The following DDAH1 variants were observed in gnomAD, a reference collection of about 807,000 sequenced individuals.
DDAH1 encodes the protein N(G),N(G)-dimethylarginine dimethylaminohydrolase 1.
A neutral mutation model predicts 28.8 loss-of-function variants in DDAH1; 19 were observed. The ratio of observed to expected loss-of-function variants is 0.66; its 90% CI spans 0.46 to 0.97. The LOEUF (loss-of-function observed/expected upper bound fraction) is 0.97, where lower values mean the gene tolerates loss of function less well. DDAH1 is among the 50% of genes least tolerant of loss of function. The pLI is 0.00. For missense variants in DDAH1, 326 were observed against 375.9 expected (o/e 0.87, Z 1.10); for synonymous variants, 153 against 154.4 (o/e 0.99, Z 0.07).
intron 1 of DDAH1, among the ~76,000 whole-genome samples, chr1:85,456,693 G>A (rs555519125): frequency 1.3e-4 from 20 of 152,274 alleles, no homozygotes; most frequent in Non-Finnish European, 2.2e-4. Flanking sequence ...CTTAAGATAC[G>A]TTTATCCGGA....
chr1:85,319,073 TG>T lies in DDAH1; in HGVS notation c.*2378del, dbSNP rs1661216999. 6.6e-6 allele frequency: 1 copy of T among 152,242 alleles called. No homozygotes were observed. The highest frequency in any genetic ancestry group is 2.1e-4 in the South Asian group (1 of 4,834). 9.4% of individuals were successfully genotyped at this position (152,242 alleles called of 1,614,324 possible). The stretch of plus-strand genomic sequence containing the variant: ...ATCCATTGGTGTATATCACAACAGA[TG>T]AGGAAAACTTATGTGATAGTATCTT... On this transcript the variant is annotated 3_prime_UTR_variant, in exon 6 of 6. Coordinates refer to ENST00000284031, the MANE Select transcript of DDAH1 (RefSeq NM_012137.4).
intron 1 of DDAH1, among the ~76,000 whole-genome samples, chr1:85,393,561 A>G (rs1651665859): frequency 6.6e-6 from 1 of 152,230 alleles, no homozygotes; most frequent in Non-Finnish European, 1.5e-5. Context: ...ATCTATGAAG[A>G]AAATCTCCAT....
chr1:85,433,756 T>A (rs1306723914), intron 1 of DDAH1, among the ~76,000 whole-genome samples: 1 of 152,218 alleles, frequency 6.6e-6, no homozygotes, highest in East Asian at 1.9e-4. Context: ...AATCTAGTTA[T>A]GTTATTTGTA....
chr1:85,377,324 A>G (rs1650725915), intron 1 of DDAH1, among the ~76,000 whole-genome samples: 1 of 152,090 alleles, frequency 6.6e-6, no homozygotes, highest in Non-Finnish European at 1.5e-5. Context: ...ATACATTATT[A>G]ATTATATATA....
At chr1:85,537,351 T>TA (rs199872613) in intron 1 of DDAH1, among the ~76,000 whole-genome samples, 18 of 143,744 alleles carry the variant, frequency 1.3e-4, no homozygotes, top group Admixed American at 6.3e-4. Flanking sequence ...ATAATAATAA[T>TA]AAAAAAAAAT....
At chr1:85,496,057 G>A (rs1001243984) in intron 2 of DDAH1, 1 of 170,948 alleles carries the variant, frequency 5.8e-6, no homozygotes, top group Admixed American at 6.5e-5. Context: ...ATCTATCCAG[G>A]AGTATTGACA....
intron 1 of DDAH1, among the ~76,000 whole-genome samples, chr1:85,460,784 G>A (rs1197732150): frequency 1.3e-5 from 2 of 152,172 alleles, no homozygotes; most frequent in Non-Finnish European, 2.9e-5. Flanking sequence ...AAGAGTGGGC[G>A]TAGAAGGGCA....
At chr1:85,570,364 TCACACACACACACA>T (rs35259175) in intron 1 of DDAH1, among the ~76,000 whole-genome samples, 1 of 145,468 alleles carries the variant, frequency 6.9e-6, no homozygotes, top group Admixed American at 6.9e-5. Flanking sequence ...ACACACACTG[TCACACACACACACA>T]CACACACACA....
intron 1 of DDAH1, among the ~76,000 whole-genome samples, chr1:85,431,789 C>A (rs1653698963): frequency 6.6e-6 from 1 of 152,112 alleles, no homozygotes; most frequent in Non-Finnish European, 1.5e-5. Context: ...TATTTATTTA[C>A]AGCTTCATAA....
rs74454762 is a variant in DDAH1, at chr1:85,492,433, A to G, written c.-7+3733T>C. Among the ~76,000 whole-genome samples, 618 of 152,336 alleles carry G rather than the reference A, an allele frequency of 4.1e-3. 4 individuals carry two copies. The highest frequency in any genetic ancestry group is 0.014 in the African/African-American group (575 of 41,588). The stretch of plus-strand genomic sequence containing the variant: ...GAATCTCATATAAATGTGAAATTTT[A>G]TGAAGAGGGAAAGTGCAGCCAAGAT... On this transcript the variant is annotated intron_variant, in intron 2 of 6. Coordinates refer to the DDAH1 transcript ENST00000426972.
chr1:85,503,437 G>A (rs958549825), intron 1 of DDAH1, among the ~76,000 whole-genome samples: 2 of 152,152 alleles, frequency 1.3e-5, no homozygotes, highest in Admixed American at 6.6e-5. Flanking sequence ...CTGACCTCAG[G>A]TGATCCACCC....
chr1:85,353,074 A>G (rs1649305196), intron 2 of DDAH1, among the ~76,000 whole-genome samples: 1 of 152,214 alleles, frequency 6.6e-6, no homozygotes, highest in African/African-American at 2.4e-5. Context: ...TCAAAACATC[A>G]AAAGATACCT....
At chr1:85,421,984 T>A (rs556089289) in intron 1 of DDAH1, among the ~76,000 whole-genome samples, 1 of 152,174 alleles carries the variant, frequency 6.6e-6, no homozygotes, top group South Asian at 2.1e-4. Flanking sequence ...TATGGTAAGA[T>A]CATGTTTAGC....
intron 4 of DDAH1, among the ~76,000 whole-genome samples, chr1:85,340,320 G>T (rs1359585365): frequency 6.6e-6 from 1 of 152,176 alleles, no homozygotes; most frequent in East Asian, 1.9e-4. Context: ...ATTTTTGATG[G>T]TCTGTTCCTT....
At chr1:85,401,868 T>G (rs974681609) in intron 1 of DDAH1, among the ~76,000 whole-genome samples, 1 of 152,236 alleles carries the variant, frequency 6.6e-6, no homozygotes, top group African/African-American at 2.4e-5. Flanking sequence ...TTCAGTTATA[T>G]GTAATTTTGT....
intron 1 of DDAH1, among the ~76,000 whole-genome samples, chr1:85,390,799 T>G (rs997785806): frequency 1.3e-5 from 2 of 152,202 alleles, no homozygotes; most frequent in Non-Finnish European, 2.9e-5. Flanking sequence ...AACTCTGCCT[T>G]CCAGTATGCC....
At chr1:85,492,060 C>T (rs973203612) in intron 2 of DDAH1, among the ~76,000 whole-genome samples, 7 of 152,134 alleles carry the variant, frequency 4.6e-5, no homozygotes, top group Admixed American at 3.9e-4. Context: ...GCATAATGAT[C>T]CTCATTTTAT....
chr1:85,565,019 AC>A (rs756610626), intron 1 of DDAH1, among the ~76,000 whole-genome samples: 44 of 151,770 alleles, frequency 2.9e-4, no homozygotes, highest in Non-Finnish European at 4.6e-4. Context: ...ACATGGTGAA[AC>A]CCCATTTCTA....
Position 85,358,810 on chromosome 1 carries a change from A to G in DDAH1, c.341T>C (p.Leu114Pro), listed in dbSNP as rs1649628973. 6.2e-7 allele frequency: 1 copy of G among 1,611,332 alleles called. No individual in the cohort carries two copies. The highest frequency in any genetic ancestry group is 1.3e-5 in the African/African-American group (1 of 74,792). The part of the protein sequence containing the change: ...MMKEALEKLQ[L>P]NIVEMKDENA... Reference sequence around the variant, plus strand: ...TTCATCTTTCATCTCTACTATATTGAGCTGAAGTTTTTCTAATGCTTCTTT... The same window carrying G: ...TTCATCTTTCATCTCTACTATATTGGGCTGAAGTTTTTCTAATGCTTCTTT... Residue 114 changes from leucine to proline, a missense_variant, in exon 2 of 6, where the codon CTC becomes CCC. Leu to Pro is a moderately conservative substitution (Grantham distance 98, BLOSUM62 -3). Transcript: ENST00000284031.
Sources: gnomAD v4.1 joint callset for allele counts (sites outside exome capture counted in the v4.1 genomes callset) on GRCh38, gnomAD v4.1.1 for gene constraint, MANE v1.5 for transcripts, NCBI Gene and HGNC (gene_info 2026-07-23, HGNC 2026-07-21) for gene names.